Variants in CAMSAP1 observed in about 807,000 individuals in gnomAD.
CAMSAP1 encodes the protein calmodulin-regulated spectrin-associated protein 1.
A neutral mutation model predicts 143.5 loss-of-function variants in CAMSAP1; 58 were observed. The observed-to-expected ratio is 0.40, with a 90% CI of 0.33 to 0.50. The LOEUF is 0.50. CAMSAP1 is among the 20% of genes least tolerant of loss of function. The pLI, the probability that CAMSAP1 is intolerant of heterozygous loss-of-function variation, is 0.45. For synonymous variants in CAMSAP1, 945 were observed against 859.3 expected, an observed-to-expected ratio of 1.10 and a Z score of -1.74; for missense variants, 1,969 against 2,115.7, an observed-to-expected ratio of 0.93 and a Z score of 1.36.
rs137914557 is a variant in CAMSAP1, at chr9:135,818,561, G to A, written c.4015C>T (p.Leu1339Phe). The part of the protein sequence containing the change: ...RKEEEKARRE[L>F]IKQEYLRRKQ... The stretch of plus-strand genomic sequence containing the variant: ...CTCCGCAGGTACTCCTGCTTGATGA[G>A]CTCGCGCCGCGCCTTCTCCTCCTCC... Residue 1339 changes from leucine (L) to phenylalanine (F), a missense_variant, in exon 13 of 17, where the codon CTC (leucine) becomes TTC (phenylalanine). Around this residue, in one of 4 missense-constraint regions of CAMSAP1, gnomAD observed 1,390 missense variants for 1,420.8 expected, o/e 0.98. Coordinates refer to ENST00000389532, the MANE Select transcript of CAMSAP1 (RefSeq NM_015447.4). The surrounding 1 kb of genome is among the most constrained non-coding windows in gnomAD (Gnocchi z 7.7). The A allele has an allele frequency of 6.2e-7, 1 of 1,613,196 alleles. No individual in the cohort carries two copies.
intron 7 of CAMSAP1, among the ~76,000 whole-genome samples, chr9:135,844,074 T>C (rs372453974): frequency 3.6e-4 from 55 of 152,128 alleles, no homozygotes; most frequent in African/African-American, 1.3e-3. Context: ...TACTCAGGAC[T>C]TGAATTCAGC....
rs939827659 is a variant in CAMSAP1 at position 135,809,185 on chromosome 9, G to C, written c.*2124C>G. 2.6e-5 allele frequency: 4 copies of C among 152,152 alleles called. No homozygotes were observed. The highest frequency in any genetic ancestry group is 9.7e-5 in the African/African-American group (4 of 41,426). 9.4% of individuals were successfully genotyped at this position (152,152 alleles called of 1,614,324 possible). ...TGAAACTTTTCAAGACTAATTAAAA[G>C]GGTTGCTGTGTCCAAGCATGAAGAA... is the stretch of plus-strand genomic sequence containing the variant. On this transcript the variant is annotated 3_prime_UTR_variant, in exon 17 of 17. Coordinates refer to ENST00000389532, the MANE Select transcript of CAMSAP1 (RefSeq NM_015447.4).
chr9:135,902,291 G>C (rs759266501), intron 1 of CAMSAP1, among the ~76,000 whole-genome samples: 2 of 152,170 alleles, frequency 1.3e-5, no homozygotes, highest in Non-Finnish European at 2.9e-5. Flanking sequence ...CCAATAATCT[G>C]AACAAGTCAT....
intron 3 of CAMSAP1, among the ~76,000 whole-genome samples, chr9:135,872,958 G>A (rs990387328): frequency 1.3e-5 from 2 of 152,168 alleles, no homozygotes; most frequent in African/African-American, 4.8e-5. Flanking sequence ...ACAGGAAAAC[G>A]GTAAAGGAGA....
intron 1 of CAMSAP1, among the ~76,000 whole-genome samples, chr9:135,906,348 C>A (rs1461562777): frequency 1.3e-5 from 2 of 152,252 alleles, no homozygotes; most frequent in Non-Finnish European, 2.9e-5. Context: ...AAGAAGTCAG[C>A]CACTGACGAG....
At chr9:135,840,692 T>A (rs1836310138) in intron 7 of CAMSAP1, among the ~76,000 whole-genome samples, 1 of 152,134 alleles carries the variant, frequency 6.6e-6, no homozygotes, top group Admixed American at 6.5e-5. Context: ...TGGGGCTGAT[T>A]AGACAGTGGG....
chr9:135,865,478 G>A lies in CAMSAP1; in HGVS notation c.666+978C>T, dbSNP rs767963803. On this transcript the variant is annotated intron_variant, in intron 4 of 16. Coordinates refer to ENST00000389532, the MANE Select transcript of CAMSAP1 (RefSeq NM_015447.4). ...GCGTTTACACGGCAGAGGCGGGAGAGCCTCTGGTAAGCAAAGTCTTCTAAG... is the reference window on the plus strand; with the variant it reads ...GCGTTTACACGGCAGAGGCGGGAGAACCTCTGGTAAGCAAAGTCTTCTAAG... 3.1e-4 allele frequency: 316 copies of A among 1,026,642 alleles called. 1 individual carries two copies. Among genetic ancestry groups the A allele is most frequent in the Non-Finnish European group, 4.4e-4 (305 of 692,018 alleles). 63.6% of individuals were successfully genotyped at this position (1,026,642 alleles called of 1,614,324 possible). A position where few individuals can be genotyped will look rare whatever the true frequency, so the allele number is the denominator to read the frequency against.
intron 7 of CAMSAP1, among the ~76,000 whole-genome samples, chr9:135,838,170 C>T (rs1836174866): frequency 6.6e-6 from 1 of 150,488 alleles, no homozygotes. Context: ...CACGCACTTT[C>T]CACCCGTTCT....
rs10625345 is a variant in CAMSAP1, at chr9:135,829,850, CATAAATAAATAA to C, written c.1046-2278_1046-2267del. Among the ~76,000 whole-genome samples, 585 of 142,784 alleles carry C rather than the reference CATAAATAAATAA, an allele frequency of 4.1e-3. 4 individuals carry two copies. Among genetic ancestry groups the C allele is most frequent in the African/African-American group, 0.011 (413 of 38,638 alleles). 93.7% of individuals were successfully genotyped at this position (142,784 alleles called of 152,430 possible). A position where few individuals can be genotyped will look rare whatever the true frequency, so the allele number is the denominator to read the frequency against. ...CCTGGGCGACAGAGCGAGACTCTGTCATAAATAAATAAATAAATAAATAAATAAATAAATAAA... is the reference window on the plus strand; with the variant it reads ...CCTGGGCGACAGAGCGAGACTCTGTCATAAATAAATAAATAAATAAATAAA... On this transcript the variant is annotated intron_variant, in intron 7 of 16. Coordinates refer to ENST00000389532, the MANE Select transcript of CAMSAP1 (RefSeq NM_015447.4).
rs757687057 is a variant in CAMSAP1, at chr9:135,818,454, G to A, written c.4122C>T (p.His1374=). The part of the protein sequence containing the change: ...KPKKPRPKSV[H]REESCSDSGT... The stretch of plus-strand genomic sequence containing the variant: ...CGGAGTCGCTGCACGACTCTTCCCG[G>A]TGCACCGACTTCGGCCGCGGCTTCT... The change falls in exon 13 of 17, where the codon CAC becomes CAT. Residue 1374 remains histidine, a synonymous_variant. Transcript: ENST00000389532. The surrounding 1 kb of genome is among the most constrained non-coding windows in gnomAD (Gnocchi z 7.7). The A allele has an allele frequency of 6.2e-7, 1 of 1,601,594 alleles. No homozygotes were observed. The highest frequency in any genetic ancestry group is 8.5e-7 in the Non-Finnish European group (1 of 1,177,510).
rs544056024 is a variant in CAMSAP1 at position 135,820,234 on chromosome 9, C to G, written c.3822+605G>C. Among the ~76,000 whole-genome samples the G allele has an allele frequency of 1.3e-5, 2 of 152,114 alleles. No homozygotes were observed. Among genetic ancestry groups the G allele is most frequent in the Non-Finnish European group, 2.9e-5 (2 of 68,006 alleles). On this transcript the variant is annotated intron_variant, in intron 11 of 16. Coordinates refer to ENST00000389532, the MANE Select transcript of CAMSAP1 (RefSeq NM_015447.4). This position sits in a 1 kb window ranked among gnomAD's most constrained non-coding sequence, Gnocchi z 4.4. ...CTATCTAAACATTGAAAAACTACCACGAAAACATGGTCTTATCATCTTAGG... is the reference window on the plus strand; with the variant it reads ...CTATCTAAACATTGAAAAACTACCAGGAAAACATGGTCTTATCATCTTAGG...
intron 7 of CAMSAP1, among the ~76,000 whole-genome samples, chr9:135,835,451 T>C (rs993678240): frequency 3.9e-5 from 6 of 152,188 alleles, no homozygotes; most frequent in East Asian, 1.9e-4. Flanking sequence ...TTAGTGATTA[T>C]GGTGAATGGC....
chr9:135,839,313 G>A (rs912706428), intron 7 of CAMSAP1, among the ~76,000 whole-genome samples: 3 of 152,270 alleles, frequency 2.0e-5, no homozygotes, highest in Admixed American at 6.5e-5. Context: ...GTTTGTGTCC[G>A]TATTTCCTCC....
rs1423111711 is a variant in CAMSAP1, at chr9:135,818,028, G to A, written c.4220C>T (p.Ala1407Val). Residue 1407 changes from alanine to valine, a missense_variant, in exon 14 of 17, where the codon GCG becomes GTG. By Grantham distance (64) the Ala-to-Val change is moderately conservative. Around this residue, in one of 4 missense-constraint regions of CAMSAP1, gnomAD observed 1,390 missense variants for 1,420.8 expected, o/e 0.98. Transcript: ENST00000389532. The surrounding 1 kb of genome is among the most constrained non-coding windows in gnomAD (Gnocchi z 7.7). ...AACGCTCTCGGGTTCTGTCGTCGCCGCAGAGGCCAAGGACAGGCTGGAGCC... is the reference window on the plus strand; with the variant it reads ...AACGCTCTCGGGTTCTGTCGTCGCCACAGAGGCCAAGGACAGGCTGGAGCC... The part of the protein sequence containing the change: ...QSGSSLSLAS[A>V]ATTEPESVHS... The A allele has an allele frequency of 6.8e-6, 11 of 1,613,802 alleles. No individual in the cohort carries two copies. The highest frequency in any genetic ancestry group is 1.6e-4 in the Middle Eastern group (1 of 6,084).
rs1835036984 is a variant in CAMSAP1, at chr9:135,811,163, C to G, written c.*146G>C. On this transcript the variant is annotated 3_prime_UTR_variant, in exon 17 of 17. Coordinates refer to ENST00000389532, the MANE Select transcript of CAMSAP1 (RefSeq NM_015447.4). The surrounding 1 kb of genome is among the most constrained non-coding windows in gnomAD (Gnocchi z 4.9). ...GTTTTCTTCTGCTGTCTAGAAACCT[C>G]TTTGCAAAAGGTCTGTGACTTTGCA... 2 of 938,722 alleles carry G rather than the reference C, an allele frequency of 2.1e-6. No individual in the cohort carries two copies. Among genetic ancestry groups the G allele is most frequent in the Non-Finnish European group, 3.2e-6 (2 of 634,314 alleles). 58.1% of individuals were successfully genotyped at this position (938,722 alleles called of 1,614,324 possible).
intron 5 of CAMSAP1, among the ~76,000 whole-genome samples, chr9:135,859,643 C>T (rs1049850706): frequency 5.3e-5 from 8 of 151,964 alleles, no homozygotes; most frequent in Non-Finnish European, 8.8e-5. Context: ...CTACCCACCT[C>T]GGCCTCCCAA....
intron 7 of CAMSAP1, among the ~76,000 whole-genome samples, chr9:135,841,365 T>C (rs545110160): frequency 2.0e-4 from 30 of 152,302 alleles, no homozygotes; most frequent in Middle Eastern, 3.4e-3. Context: ...GGCTTATACA[T>C]AAAACTCCCA....
At chr9:135,837,826 G>A (rs559490189) in intron 7 of CAMSAP1, among the ~76,000 whole-genome samples, 147 of 148,690 alleles carry the variant, frequency 9.9e-4, no homozygotes, top group Admixed American at 2.3e-3. Context: ...CCGTTGTACA[G>A]ACACACGTCA....
chr9:135,834,842 T>C (rs2131693657), intron 7 of CAMSAP1, among the ~76,000 whole-genome samples: 1 of 152,288 alleles, frequency 6.6e-6, no homozygotes. Context: ...TCACTATGTA[T>C]ACGTGTATCA....
Sources: allele counts gnomAD v4.1 joint callset (sites outside exome capture counted in the v4.1 genomes callset), GRCh38; gene constraint gnomAD v4.1.1; regional missense constraint gnomAD v4.1.1; non-coding constraint Gnocchi (gnomAD v3.1); transcripts MANE v1.5; gene names NCBI Gene and HGNC (gene_info 2026-07-23, HGNC 2026-07-21).